PLAC1: variants seen among roughly 807,000 people sequenced by gnomAD.
PLAC1 encodes placenta associated 1.
For synonymous variants in PLAC1, 68 were observed against 62.1 expected (o/e 1.09, Z -0.44); for missense variants, 136 against 163.2 (o/e 0.83, Z 0.91).
intron 1 of PLAC1, among the ~76,000 whole-genome samples, chrX:134,742,390 C>G (rs750641517): frequency 8.9e-6 from 1 of 111,931 alleles, no homozygotes; most frequent in South Asian, 3.7e-4. Flanking sequence ...GTGTTCGAGA[C>G]CAGCCTGGCC....
chrX:134,762,394 G>T (rs1306379689), intron 1 of PLAC1, among the ~76,000 whole-genome samples: 2 of 111,940 alleles, frequency 1.8e-5, no homozygotes, highest in African/African-American at 6.5e-5. Context: ...CCAGGTCACA[G>T]AGAACATTCC....
intron 1 of PLAC1, among the ~76,000 whole-genome samples, chrX:134,740,550 G>A (rs1250758541): frequency 9.0e-6 from 1 of 111,565 alleles, no homozygotes; most frequent in Admixed American, 9.6e-5. Flanking sequence ...AAGTCGCTGA[G>A]AGGGGTATTA....
At chrX:134,600,566 C>A (rs1460261222) in intron 2 of PLAC1, among the ~76,000 whole-genome samples, 1 of 110,763 alleles carries the variant, frequency 9.0e-6, no homozygotes, top group Non-Finnish European at 1.9e-5. Flanking sequence ...GAAGAGTTGA[C>A]ACTGAGTTCA....
chrX:134,623,637 T>C (rs184598956), intron 1 of PLAC1, among the ~76,000 whole-genome samples: 53 of 111,910 alleles, frequency 4.7e-4, no homozygotes, highest in South Asian at 2.3e-3. Flanking sequence ...CACACCATTA[T>C]GCTTCTGAGT....
At chrX:134,637,982 T>C (rs2078291038) in intron 1 of PLAC1, among the ~76,000 whole-genome samples, 1 of 112,635 alleles carries the variant, frequency 8.9e-6, no homozygotes, top group South Asian at 3.7e-4. Context: ...AAAAAATGGA[T>C]GACTGAAAGC....
intron 2 of PLAC1, among the ~76,000 whole-genome samples, chrX:134,663,586 G>A (rs1037110597): frequency 1.8e-5 from 2 of 112,323 alleles, no homozygotes; most frequent in African/African-American, 3.2e-5. Flanking sequence ...CAGGGGTTCT[G>A]AGCAAAGTTC....
chrX:134,744,802 G>T (rs767361644), intron 1 of PLAC1, among the ~76,000 whole-genome samples: 1 of 111,589 alleles, frequency 9.0e-6, no homozygotes, highest in South Asian at 3.8e-4. Flanking sequence ...CTACCAGCCT[G>T]GGTTCCTAGG....
chrX:134,601,060 TCACACACACACACA>T (rs373837274), intron 2 of PLAC1: 2 of 96,296 alleles, frequency 2.1e-5, no homozygotes, highest in Non-Finnish European at 4.2e-5. Context: ...TTTTTTTTCT[TCACACACACACACA>T]CACACACACA....
At chrX:134,685,198 T>C (rs2078512055) in intron 2 of PLAC1, among the ~76,000 whole-genome samples, 1 of 111,722 alleles carries the variant, frequency 9.0e-6, no homozygotes, top group Non-Finnish European at 1.9e-5. Flanking sequence ...AAACAGGAAC[T>C]AGACATCTGC....
chrX:134,670,335 C>T (rs1029768813), intron 2 of PLAC1, among the ~76,000 whole-genome samples: 3 of 111,758 alleles, frequency 2.7e-5, no homozygotes, highest in African/African-American at 9.8e-5. Context: ...AGCCCCCTCC[C>T]ACCTCCTGCC....
chrX:134,714,407 C>A (rs1352819217), intron 2 of PLAC1, among the ~76,000 whole-genome samples: 2 of 110,076 alleles, frequency 1.8e-5, no homozygotes, highest in African/African-American at 3.3e-5. Context: ...GAATCCCTGG[C>A]TTTCACCAGG....
chrX:134,587,586 A>T (rs894721978), intron 2 of PLAC1, among the ~76,000 whole-genome samples: 1 of 109,705 alleles, frequency 9.1e-6, no homozygotes, highest in Non-Finnish European at 1.9e-5. Flanking sequence ...GTTTCAAAAA[A>T]AAAAGCCTCC....
chrX:134,705,614 C>T (rs183138135), intron 2 of PLAC1, among the ~76,000 whole-genome samples: 62 of 110,826 alleles, frequency 5.6e-4, no homozygotes, highest in African/African-American at 1.3e-3. Context: ...GAGCTAGGAG[C>T]GTGAGCAGTG....
intron 2 of PLAC1, among the ~76,000 whole-genome samples, chrX:134,590,065 C>CGG (rs1423818852): frequency 4.9e-4 from 54 of 109,664 alleles, no homozygotes; most frequent in African/African-American, 1.5e-3. Context: ...CGTGGTGGTA[C>CGG]GTGCCTGTAG....
intron 2 of PLAC1, among the ~76,000 whole-genome samples, chrX:134,590,895 T>C (rs752953159): frequency 1.6e-4 from 13 of 81,346 alleles, no homozygotes; most frequent in African/African-American, 5.8e-4. Flanking sequence ...AGTGCTGGGA[T>C]TACAGGCATG....
intron 2 of PLAC1, among the ~76,000 whole-genome samples, chrX:134,665,246 C>A (rs1278241104): frequency 9.0e-6 from 1 of 111,721 alleles, no homozygotes; most frequent in Non-Finnish European, 1.9e-5. Context: ...CTAAGGGTCA[C>A]CACTGAGTCA....
chrX:134,645,936 T>C (rs888174149), intron 1 of PLAC1, among the ~76,000 whole-genome samples: 2 of 111,772 alleles, frequency 1.8e-5, no homozygotes, highest in Non-Finnish European at 3.8e-5. Flanking sequence ...ATCTTCCCTT[T>C]ACATACGGTT....
chrX:134,607,388 G>T lies in PLAC1; in HGVS notation c.-130-5266C>A, dbSNP rs763283855. 7 of 129,649 alleles carry T rather than the reference G, an allele frequency of 5.4e-5. No homozygotes were observed. The South Asian group carries it at 1.7e-3, about 32-fold the overall frequency. 10.7% of individuals were successfully genotyped at this position (129,649 alleles called of 1,213,427 possible). ...TGTTGGCATTATTTTAAAAACACAA[G>T]GTTAAGATTCTTGCCAAGAGAATTA... On this transcript the variant is annotated intron_variant, in intron 1 of 2. Coordinates refer to ENST00000359237, the MANE Select transcript of PLAC1 (RefSeq NM_021796.4).
intron 1 of PLAC1, among the ~76,000 whole-genome samples, chrX:134,743,472 T>A (rs888050484): frequency 2.7e-5 from 3 of 110,460 alleles, no homozygotes; most frequent in African/African-American, 3.3e-5. Flanking sequence ...AAGAAGCTTG[T>A]CATTTTATTG....
Sources: gnomAD v4.1 joint callset for allele counts (sites outside exome capture counted in the v4.1 genomes callset) on GRCh38, gnomAD v4.1.1 for gene constraint, MANE v1.5 for transcripts, NCBI Gene and HGNC (gene_info 2026-07-23, HGNC 2026-07-21) for gene names.